The following SVOP variants were observed in gnomAD, a reference collection of about 807,000 sequenced individuals.
SVOP encodes synaptic vesicle 2-related protein.
Under a neutral mutation model 69.1 loss-of-function variants are expected in SVOP, and 17 were observed. That is an observed-to-expected ratio of 0.25 (90% CI 0.17 to 0.37). The LOEUF is 0.37. SVOP is among the 10% of genes least tolerant of loss of function. The pLI is 1.00. For synonymous variants in SVOP, 238 were observed against 238.6 expected (o/e 1.00, Z 0.02); for missense variants, 435 against 597.5 (o/e 0.73, Z 2.84).
At chr12:108,992,549 A>G (rs147381587) in intron 1 of SVOP, among the ~76,000 whole-genome samples, 4 of 152,322 alleles carry the variant, frequency 2.6e-5, no homozygotes, top group Non-Finnish European at 5.9e-5. Context: ...TCTGAAAAAC[A>G]AAACAAATGA....
intron 1 of SVOP, among the ~76,000 whole-genome samples, chr12:108,987,576 T>C (rs1480275616): frequency 6.6e-6 from 1 of 152,230 alleles, no homozygotes; most frequent in Admixed American, 6.5e-5. Context: ...GCACAAAGAT[T>C]CCAATTTCTC....
Position 108,952,585 on chromosome 12 carries a change from C to A in SVOP, c.579-7419G>T, listed in dbSNP as rs958828543. ...TCTGGCCAGGCACGGTGGCTCACAC[C>A]TGTAATCCCAACACTTTGGGAGGCC... On this transcript the variant is annotated intron_variant, in intron 6 of 15. Coordinates refer to ENST00000610966, the MANE Select transcript of SVOP (RefSeq NM_018711.5). Among the ~76,000 whole-genome samples the A allele has an allele frequency of 5.9e-5, 9 of 152,264 alleles. No individual in the cohort carries two copies. In the South Asian group the frequency reaches 6.2e-4, roughly 11 times the overall value.
chr12:108,967,773 A>G (rs1408445317), intron 5 of SVOP, among the ~76,000 whole-genome samples: 1 of 152,082 alleles, frequency 6.6e-6, no homozygotes, highest in East Asian at 1.9e-4. Context: ...CCCTCCCCCA[A>G]CGTGTGACAA....
At position 108,945,159 on chromosome 12, in the gene SVOP, G is replaced by A. The variant is rs1224431640; in HGVS notation, c.586C>T (p.Leu196=). Residue 196 remains leucine (L), a synonymous_variant, in exon 7 of 16, where the codon CTG becomes TTG. Transcript: ENST00000610966. ...TTCATGGGAAGGAACTCGGCATACAGCGTCACCCTGGGAATGTAAAAGGGA... is the reference window on the plus strand; with the variant it reads ...TTCATGGGAAGGAACTCGGCATACAACGTCACCCTGGGAATGTAAAAGGGA... ...GIGGVPQSVT[L]YAEFLPMKAR... is the part of the protein sequence containing the mutation. 1.3e-6 allele frequency: 2 copies of A among 1,536,984 alleles called. No individual in the cohort carries two copies. Among genetic ancestry groups the A allele is most frequent in the Admixed American group, 2.0e-5 (1 of 50,972 alleles).
At chr12:108,952,609 C>G (rs1252326802) in intron 6 of SVOP, among the ~76,000 whole-genome samples, 1 of 152,142 alleles carries the variant, frequency 6.6e-6, no homozygotes. Flanking sequence ...CTTTGGGAGG[C>G]CAAGATGGGA....
At chr12:108,934,834 C>T (rs2039846937) in intron 10 of SVOP, among the ~76,000 whole-genome samples, 1 of 152,196 alleles carries the variant, frequency 6.6e-6, no homozygotes. Context: ...CATGAATAAT[C>T]CACCTCTTGT....
intron 1 of SVOP, among the ~76,000 whole-genome samples, chr12:109,017,231 T>C (rs1003969007): frequency 6.6e-6 from 1 of 152,068 alleles, no homozygotes; most frequent in Non-Finnish European, 1.5e-5. Context: ...TAGATTCTCA[T>C]AGGAGCGTGA....
rs114499403 is a variant in SVOP, at chr12:108,994,555, G to A, written c.36-10794C>T. ...TAGTTTGCCATGTTTCAGGTCCAGA[G>A]TTCAGTGCCTTATGGATTATCTTAT... On this transcript the variant is annotated intron_variant, in intron 1 of 15. Coordinates refer to ENST00000610966, the MANE Select transcript of SVOP (RefSeq NM_018711.5). Among the ~76,000 whole-genome samples the A allele has an allele frequency of 9.8e-3, 1,498 of 152,266 alleles. 18 individuals carry two copies. The highest frequency in any genetic ancestry group is 0.034 in the African/African-American group (1,421 of 41,540).
chr12:109,015,644 A>AAAAAATGC (rs966807244), intron 1 of SVOP, among the ~76,000 whole-genome samples: 1 of 1,852 alleles, frequency 5.4e-4, no homozygotes, highest in Non-Finnish European at 0.015. Flanking sequence ...CATCTCTATA[A>AAAAAATGC]AAAATTAGCT....
intron 2 of SVOP, among the ~76,000 whole-genome samples, chr12:108,981,604 A>G (rs2040135584): frequency 6.6e-6 from 1 of 152,164 alleles, no homozygotes; most frequent in Non-Finnish European, 1.5e-5. Context: ...CAAATTGGCT[A>G]ATTCCTAGCT....
chr12:108,960,893 C>A, intron 6 of SVOP, 30 bp downstream of exon 6: 1 of 1,534,512 alleles, frequency 6.5e-7, no homozygotes, highest in Non-Finnish European at 8.7e-7. Flanking sequence ...GGCAGCCTGG[C>A]TGCATAGCCA....
At chr12:109,002,646 A>G in intron 1 of SVOP, among the ~76,000 whole-genome samples, 1 of 151,956 alleles carries the variant, frequency 6.6e-6, no homozygotes, top group East Asian at 1.9e-4. Context: ...TGATGAGTTC[A>G]TGTCCTTTGT....
intron 11 of SVOP, among the ~76,000 whole-genome samples, chr12:108,932,069 G>A (rs546732877): frequency 5.9e-5 from 9 of 151,888 alleles, no homozygotes; most frequent in Admixed American, 1.3e-4. Flanking sequence ...CTGGATTGCC[G>A]AGGCACAATC....
At chr12:109,016,375 C>T (rs1280925220) in intron 1 of SVOP, among the ~76,000 whole-genome samples, 1 of 152,146 alleles carries the variant, frequency 6.6e-6, no homozygotes, top group Non-Finnish European at 1.5e-5. Context: ...GACCCAAACT[C>T]AATCTTGAAA....
chr12:108,992,775 G>C (rs2040209677), intron 1 of SVOP, among the ~76,000 whole-genome samples: 1 of 152,142 alleles, frequency 6.6e-6, no homozygotes, highest in Non-Finnish European at 1.5e-5. Context: ...AATGGGTGTG[G>C]GGTCTCCTTT....
intron 7 of SVOP, among the ~76,000 whole-genome samples, chr12:108,944,473 G>A (rs958693438): frequency 6.6e-6 from 1 of 152,154 alleles, no homozygotes; most frequent in South Asian, 2.1e-4. Flanking sequence ...CATCAGAGTG[G>A]GTTCATAGTC....
intron 1 of SVOP, among the ~76,000 whole-genome samples, chr12:108,988,718 G>T (rs1366451429): frequency 1.3e-5 from 2 of 148,512 alleles, no homozygotes; most frequent in African/African-American, 4.9e-5. Flanking sequence ...GATTCTATAT[G>T]AATCTTCAGG....
intron 1 of SVOP, among the ~76,000 whole-genome samples, chr12:109,018,191 C>T (rs1211493659): frequency 6.6e-6 from 1 of 152,122 alleles, no homozygotes; most frequent in Non-Finnish European, 1.5e-5. Flanking sequence ...AAAGAACAGA[C>T]CTAGAAAAGT....
At chr12:108,946,572 G>A (rs2039924135) in intron 6 of SVOP, among the ~76,000 whole-genome samples, 1 of 151,750 alleles carries the variant, frequency 6.6e-6, no homozygotes, top group Non-Finnish European at 1.5e-5. Flanking sequence ...CTATTTTGAT[G>A]CTTAGAAGAG....
Sources: allele counts gnomAD v4.1 joint callset (sites outside exome capture counted in the v4.1 genomes callset), GRCh38; gene constraint gnomAD v4.1.1; transcripts MANE v1.5; gene names NCBI Gene and HGNC (gene_info 2026-07-23, HGNC 2026-07-21).